The following CNTN5 variants were observed in gnomAD, a reference collection of about 807,000 sequenced individuals.
The protein encoded by CNTN5 is contactin-5.
A neutral mutation model predicts 129.1 loss-of-function variants in CNTN5; 77 were observed. The ratio of observed to expected loss-of-function variants is 0.60; its 90% CI spans 0.50 to 0.72. The LOEUF is 0.72. Ranked by LOEUF, CNTN5 falls within the 30% of genes least tolerant of loss-of-function variation. CNTN5 has a pLI of 0.00. For missense variants in CNTN5, 1,478 were observed against 1,328.8 expected, an observed-to-expected ratio of 1.11 and a Z score of -1.75; for synonymous variants, 509 against 465.6, an observed-to-expected ratio of 1.09 and a Z score of -1.20.
chr11:99,511,298 G>A (rs1004677350), intron 2 of CNTN5, among the ~76,000 whole-genome samples: 2 of 151,962 alleles, frequency 1.3e-5, no homozygotes, highest in African/African-American at 2.4e-5. Flanking sequence ...ATTTCGTTAC[G>A]TACCCAGTAG....
At chr11:99,488,309 A>G (rs1945900394) in intron 2 of CNTN5, among the ~76,000 whole-genome samples, 1 of 151,916 alleles carries the variant, frequency 6.6e-6, no homozygotes, top group African/African-American at 2.4e-5. Flanking sequence ...AGTAGCTGCA[A>G]CTATAGGCAT....
At chr11:99,467,298 C>A (rs1349068555) in intron 2 of CNTN5, among the ~76,000 whole-genome samples, 1 of 152,056 alleles carries the variant, frequency 6.6e-6, no homozygotes, top group Non-Finnish European at 1.5e-5. Context: ...TGCTATCCTG[C>A]AGTTTTTACT....
chr11:99,884,715 G>T (rs1366658068), intron 6 of CNTN5, among the ~76,000 whole-genome samples: 1 of 152,022 alleles, frequency 6.6e-6, no homozygotes, highest in Non-Finnish European at 1.5e-5. Flanking sequence ...GGTGGCTCAC[G>T]CCTGTAATCC....
chr11:99,097,373 T>C (rs1326804386), intron 1 of CNTN5, among the ~76,000 whole-genome samples: 1 of 151,908 alleles, frequency 6.6e-6, no homozygotes, highest in Non-Finnish European at 1.5e-5. Flanking sequence ...GTATTACCAC[T>C]AATTCAAAAC....
chr11:100,125,779 G>T (rs1049602182), intron 13 of CNTN5, among the ~76,000 whole-genome samples: 9 of 151,876 alleles, frequency 5.9e-5, no homozygotes, highest in African/African-American at 1.7e-4. Context: ...TGATTATTTG[G>T]ATGCATTTTT....
chr11:99,211,201 T>G (rs541516319), intron 1 of CNTN5, among the ~76,000 whole-genome samples: 47 of 152,250 alleles, frequency 3.1e-4, no homozygotes, highest in South Asian at 1.0e-3. Context: ...AATCTCTACT[T>G]TCCTGATTTT....
rs189182343 is a variant in CNTN5 at position 99,577,417 on chromosome 11, A to T, written c.55+21148A>T. ...TGACTAGTGATTCTACCAATGATTA[A>T]TCTTAATGTTTAGAGAAAGCATGGA... On this transcript the variant is annotated intron_variant, in intron 3 of 24. Coordinates refer to ENST00000524871, the MANE Select transcript of CNTN5 (RefSeq NM_014361.4). Among the ~76,000 whole-genome samples the T allele has an allele frequency of 1.8e-4, 27 of 152,282 alleles. 2 individuals are homozygous for T. The highest frequency in any genetic ancestry group is 6.3e-4 in the African/African-American group (26 of 41,568).
rs187385529 is a variant in CNTN5, at chr11:100,066,225, C to T, written c.1163-4199C>T. On this transcript the variant is annotated intron_variant, in intron 10 of 24. Transcript: ENST00000524871. The stretch of plus-strand genomic sequence containing the variant: ...TTACAGTTAAATAACTCATTCTCAG[C>T]GACATAATAGAGCAAGGGCATGGTA... Among the ~76,000 whole-genome samples the T allele has an allele frequency of 5.2e-3, 790 of 152,152 alleles. 9 individuals are homozygous for T. Among genetic ancestry groups the T allele is most frequent in the African/African-American group, 0.018 (745 of 41,528 alleles).
intron 4 of CNTN5, among the ~76,000 whole-genome samples, chr11:99,822,406 A>C (rs1946829792): frequency 6.6e-6 from 1 of 152,212 alleles, no homozygotes. Flanking sequence ...TGGAGAACTA[A>C]AACTGTTAAA....
At chr11:99,926,316 G>T (rs768857534) in intron 7 of CNTN5, among the ~76,000 whole-genome samples, 1 of 152,114 alleles carries the variant, frequency 6.6e-6, no homozygotes, top group South Asian at 2.1e-4. Context: ...TTAAGAAGGG[G>T]AAGGGATCAA....
rs1175553620 is a variant in CNTN5, at chr11:99,098,226, T to C, written c.-210+76956T>C. 2.0e-5 allele frequency among the ~76,000 whole-genome samples: 3 copies of C among 152,114 alleles called. No homozygotes were observed. In the East Asian group the frequency reaches 5.8e-4, roughly 29 times the overall value. On this transcript the variant is annotated intron_variant, in intron 1 of 24. Coordinates refer to ENST00000524871, the MANE Select transcript of CNTN5 (RefSeq NM_014361.4). ...CATAAAAAGATATTTGTTGACTTAC[T>C]TACTGATGAATGTTTAGGTCTGTAA...
intron 3 of CNTN5, among the ~76,000 whole-genome samples, chr11:99,651,010 T>C (rs1952134668): frequency 6.6e-6 from 1 of 151,932 alleles, no homozygotes; most frequent in African/African-American, 2.4e-5. Context: ...ATAAGAGAAA[T>C]TGTCTCATCG....
chr11:99,583,625 AT>A (rs1949691892), intron 3 of CNTN5, among the ~76,000 whole-genome samples: 1 of 152,222 alleles, frequency 6.6e-6, no homozygotes, highest in Admixed American at 6.5e-5. Flanking sequence ...TCTCTGAGCC[AT>A]GCGCGGGATA....
intron 2 of CNTN5, among the ~76,000 whole-genome samples, chr11:99,453,288 T>C (rs1374778125): frequency 1.3e-5 from 2 of 152,054 alleles, no homozygotes; most frequent in African/African-American, 2.4e-5. Context: ...CGTATAACAA[T>C]TGAGGAGAGG....
At chr11:99,961,206 GAAAAAAAAA>G (rs769692454) in intron 8 of CNTN5, among the ~76,000 whole-genome samples, 8 of 95,720 alleles carry the variant, frequency 8.4e-5, no homozygotes, top group African/African-American at 3.2e-4. Flanking sequence ...CTCCGTCTCA[GAAAAAAAAA>G]AAAAAAAAAA....
intron 2 of CNTN5, among the ~76,000 whole-genome samples, chr11:99,424,734 T>C (rs1443101092): frequency 1.3e-5 from 2 of 152,228 alleles, no homozygotes; most frequent in Admixed American, 6.5e-5. Context: ...GGACTGCAGC[T>C]CTTCTCTTAT....
intron 9 of CNTN5, among the ~76,000 whole-genome samples, chr11:100,038,014 T>G (rs1942132991): frequency 1.3e-5 from 2 of 152,086 alleles, no homozygotes; most frequent in Admixed American, 1.3e-4. Context: ...TGCTAGCTTT[T>G]GAATGTGTTT....
intron 6 of CNTN5, among the ~76,000 whole-genome samples, chr11:99,875,094 T>A (rs1039035703): frequency 6.6e-6 from 1 of 152,204 alleles, no homozygotes; most frequent in Non-Finnish European, 1.5e-5. Context: ...CTGATACATA[T>A]AACCCAAATT....
At chr11:99,613,215 C>A (rs1247849651) in intron 3 of CNTN5, among the ~76,000 whole-genome samples, 1 of 152,158 alleles carries the variant, frequency 6.6e-6, no homozygotes, top group Non-Finnish European at 1.5e-5. Flanking sequence ...AAGAAAGAGA[C>A]CAGGTGGAGG....
Sources: gnomAD v4.1 joint callset for allele counts (sites outside exome capture counted in the v4.1 genomes callset) on GRCh38, gnomAD v4.1.1 for gene constraint, MANE v1.5 for transcripts, NCBI Gene and HGNC (gene_info 2026-07-23, HGNC 2026-07-21) for gene names.